CTNNA2: variants seen among roughly 807,000 people sequenced by gnomAD.
CTNNA2 encodes catenin alpha-2.
A neutral mutation model predicts 101.0 loss-of-function variants in CTNNA2; 42 were observed. The observed-to-expected ratio is 0.42, with a 90% CI of 0.32 to 0.54. CTNNA2 has a LOEUF of 0.54. Among genes scored for constraint, CTNNA2 ranks in the 20% least tolerant of loss-of-function variants. The pLI, the probability that CTNNA2 is intolerant of heterozygous loss-of-function variation, is 0.14. For synonymous variants in CTNNA2, 450 were observed against 456.4 expected, an observed-to-expected ratio of 0.99 and a Z score of 0.18; for missense variants, 871 against 1,223.1, an observed-to-expected ratio of 0.71 and a Z score of 4.29.
chr2:79,319,501 T>C (rs1483915356), intron 3 of CTNNA2, among the ~76,000 whole-genome samples: 1 of 152,096 alleles, frequency 6.6e-6, no homozygotes, highest in East Asian at 1.9e-4. Context: ...TCTGAATATC[T>C]TCATCCACAG....
intron 7 of CTNNA2, among the ~76,000 whole-genome samples, chr2:80,146,394 CT>C (rs1317651360): frequency 6.6e-6 from 1 of 152,116 alleles, no homozygotes; most frequent in African/African-American, 2.4e-5. Flanking sequence ...CTCAAAATTT[CT>C]TCCCTCTGAA....
chr2:80,603,244 A>G (rs1275763760), intron 15 of CTNNA2, among the ~76,000 whole-genome samples: 3 of 152,136 alleles, frequency 2.0e-5, no homozygotes, highest in African/African-American at 7.2e-5. Context: ...ATTACATGCT[A>G]TATTTTGTTT....
chr2:79,594,379 C>A (rs1161713713), intron 1 of CTNNA2, among the ~76,000 whole-genome samples: 2 of 152,096 alleles, frequency 1.3e-5, no homozygotes, highest in African/African-American at 4.8e-5. Flanking sequence ...ATTTTATGAT[C>A]CTAGGTGATT....
intron 7 of CTNNA2, among the ~76,000 whole-genome samples, chr2:80,204,899 A>G (rs1707437601): frequency 6.6e-6 from 1 of 152,188 alleles, no homozygotes; most frequent in East Asian, 1.9e-4. Context: ...GATGGAAGAC[A>G]AGGAGGAGCA....
intron 6 of CTNNA2, among the ~76,000 whole-genome samples, chr2:79,874,604 T>C (rs1682861844): frequency 6.6e-6 from 1 of 152,156 alleles, no homozygotes; most frequent in Admixed American, 6.5e-5. Flanking sequence ...GTGGATCACC[T>C]GAGGTCATGA....
At chr2:79,795,109 A>T (rs1675595796) in intron 3 of CTNNA2, among the ~76,000 whole-genome samples, 1 of 152,232 alleles carries the variant, frequency 6.6e-6, no homozygotes, top group Non-Finnish European at 1.5e-5. Flanking sequence ...TATTTCTATG[A>T]CAGAAAGTCA....
At chr2:80,439,449 A>G (rs1425003355) in intron 9 of CTNNA2, among the ~76,000 whole-genome samples, 2 of 152,114 alleles carry the variant, frequency 1.3e-5, no homozygotes, top group Non-Finnish European at 2.9e-5. Context: ...TGCAGGCTGG[A>G]GTGCAGTGGC....
At chr2:79,220,404 T>G (rs1674327055) in intron 2 of CTNNA2, among the ~76,000 whole-genome samples, 1 of 152,172 alleles carries the variant, frequency 6.6e-6, no homozygotes, top group Admixed American at 6.5e-5. Flanking sequence ...ATAGAAATTC[T>G]AACACTGAAT....
chr2:80,632,439 T>C (rs1672399150), intron 18 of CTNNA2, among the ~76,000 whole-genome samples: 1 of 152,148 alleles, frequency 6.6e-6, no homozygotes, highest in African/African-American at 2.4e-5. Flanking sequence ...CCTTCAGTTT[T>C]TGGTTGAATT....
chr2:79,279,933 A>C lies in CTNNA2; in HGVS notation c.-405-32776A>C, dbSNP rs74719656. Among the ~76,000 whole-genome samples, 308 of 152,218 alleles carry C rather than the reference A, an allele frequency of 2.0e-3. 1 individual carries two copies. The highest frequency in any genetic ancestry group is 7.2e-3 in the African/African-American group (299 of 41,542). On this transcript the variant is annotated intron_variant, in intron 2 of 21. Coordinates refer to the CTNNA2 transcript ENST00000466387. ...TATCCTCACCTTATTGGGCCATGGAAATCTCAAGGTTATTATTCTCCCTTT... is the reference window on the plus strand; with the variant it reads ...TATCCTCACCTTATTGGGCCATGGACATCTCAAGGTTATTATTCTCCCTTT...
intron 7 of CTNNA2, among the ~76,000 whole-genome samples, chr2:80,244,502 T>A (rs1671179464): frequency 6.6e-6 from 1 of 152,208 alleles, no homozygotes; most frequent in Non-Finnish European, 1.5e-5. Context: ...AAGGAATTCA[T>A]AACTACTGGC....
intron 7 of CTNNA2, among the ~76,000 whole-genome samples, chr2:80,078,900 C>T (rs535557326): frequency 6.6e-6 from 1 of 152,110 alleles, no homozygotes; most frequent in Non-Finnish European, 1.5e-5. Context: ...ACATGGTTTC[C>T]TTTTAGGTTT....
At chr2:79,320,165 G>A (rs1676585471) in intron 3 of CTNNA2, among the ~76,000 whole-genome samples, 1 of 152,042 alleles carries the variant, frequency 6.6e-6, no homozygotes, top group African/African-American at 2.4e-5. Flanking sequence ...TTCATCAATG[G>A]CTGATGCAAA....
intron 3 of CTNNA2, among the ~76,000 whole-genome samples, chr2:79,842,177 G>A (rs551325950): frequency 6.6e-6 from 1 of 152,112 alleles, no homozygotes; most frequent in East Asian, 1.9e-4. Flanking sequence ...ACTATGTCTT[G>A]GTATATTTTT....
intron 4 of CTNNA2, among the ~76,000 whole-genome samples, chr2:79,412,958 A>C (rs1678433885): frequency 6.6e-6 from 1 of 152,128 alleles, no homozygotes; most frequent in African/African-American, 2.4e-5. Flanking sequence ...TAATTCTTAC[A>C]ATAACACTTT....
intron 4 of CTNNA2, among the ~76,000 whole-genome samples, chr2:79,408,849 G>T (rs1678373258): frequency 6.6e-6 from 1 of 151,712 alleles, no homozygotes; most frequent in East Asian, 2.0e-4. Context: ...GGTATTTCTA[G>T]TTCTAGATCC....
intron 3 of CTNNA2, among the ~76,000 whole-genome samples, chr2:79,750,456 A>G (rs902673818): frequency 1.3e-5 from 2 of 152,234 alleles, no homozygotes; most frequent in African/African-American, 2.4e-5. Flanking sequence ...CTTGCTTATC[A>G]GCCCTGCTTA....
chr2:80,636,549 C>T (rs973130665), intron 18 of CTNNA2, among the ~76,000 whole-genome samples: 2 of 151,930 alleles, frequency 1.3e-5, no homozygotes, highest in African/African-American at 2.4e-5. Flanking sequence ...ACCTGAGAAT[C>T]GAATGAGGTA....
At chr2:80,417,233 C>A (rs1573990218) in intron 8 of CTNNA2, among the ~76,000 whole-genome samples, 1 of 150,930 alleles carries the variant, frequency 6.6e-6, no homozygotes, top group African/African-American at 2.4e-5. Flanking sequence ...ATTAAGATAA[C>A]ATATTAATCA....
Sources: gnomAD v4.1 joint callset for allele counts (sites outside exome capture counted in the v4.1 genomes callset) on GRCh38, gnomAD v4.1.1 for gene constraint, MANE v1.5 for transcripts, NCBI Gene and HGNC (gene_info 2026-07-23, HGNC 2026-07-21) for gene names.